ATP11A: variants seen among roughly 807,000 people sequenced by gnomAD.
The protein encoded by ATP11A is ATPase phospholipid transporting 11A, also known as phospholipid-transporting ATPase IH.
Under a neutral mutation model 154.4 loss-of-function variants are expected in ATP11A, and 81 were observed. That is an observed-to-expected ratio of 0.52 (90% CI 0.44 to 0.63). The LOEUF (loss-of-function observed/expected upper bound fraction) is 0.63. ATP11A is among the 30% of genes least tolerant of loss of function. The pLI is 0.00. For missense variants in ATP11A, 1,316 were observed against 1,474.3 expected (o/e 0.89, Z 1.76); for synonymous variants, 623 against 585.9 (o/e 1.06, Z -0.91).
intron 1 of ATP11A, among the ~76,000 whole-genome samples, chr13:112,773,586 C>G (rs2077276426): frequency 6.6e-6 from 1 of 152,228 alleles, no homozygotes; most frequent in African/African-American, 2.4e-5. Context: ...ATGTGCAGCC[C>G]TGTGGCGGAT....
rs1456381970 is a variant in ATP11A, at chr13:112,690,346, C to G, written c.-71C>G. 1 of 1,181,694 alleles carries G rather than the reference C, an allele frequency of 8.5e-7. No homozygotes were observed. Among genetic ancestry groups the G allele is most frequent in the Non-Finnish European group, 1.1e-6 (1 of 945,866 alleles). The allele number at this position is 1,181,694 out of a possible 1,614,324, so 73.2% of individuals were successfully genotyped here. ...CGGGGGGCGCGGCCGCACTAGTACCCCGGAGCCCATGGGCGCGCCGAGCCG... is the reference window on the plus strand; with the variant it reads ...CGGGGGGCGCGGCCGCACTAGTACCGCGGAGCCCATGGGCGCGCCGAGCCG... On this transcript the variant is annotated 5_prime_UTR_variant, in exon 1 of 30. Coordinates refer to ENST00000375645, the MANE Select transcript of ATP11A (RefSeq NM_015205.3). The surrounding 1 kb of genome is among the most constrained non-coding windows in gnomAD (Gnocchi z 5.6).
In ATP11A at chr13:112,854,325, G is replaced by A. The variant is rs1281190086; in HGVS notation, c.2038G>A (p.Gly680Arg). ...CACCATCGAGGCCCTGCAGAAGGCC[G>A]GGATCAAAGTCTGGGTTCTCACGGG... ...ADTIEALQKA[G>R]IKVWVLTGDK... The change falls in exon 19 of 30, where the codon GGG becomes AGG. Residue 680 changes from glycine (G) to arginine (R), a missense_variant. Physicochemically the swap from Gly to Arg is moderately radical, Grantham distance 125. Around this residue, in one of 5 missense-constraint regions of ATP11A, gnomAD observed 876 missense variants for 1,006.8 expected, o/e 0.87. Transcript: ENST00000375645. 9.9e-6 allele frequency: 16 copies of A among 1,614,012 alleles called. No individual in the cohort carries two copies. Among genetic ancestry groups the A allele is most frequent in the East Asian group, 2.2e-5 (1 of 44,888 alleles).
At chr13:112,858,425 G>A in intron 22 of ATP11A, 135 bp downstream of exon 22, 2 of 946,046 alleles carry the variant, frequency 2.1e-6, no homozygotes, top group East Asian at 2.7e-5. Context: ...AAAGGAAGGG[G>A]TGAATCTGAT....
intron 1 of ATP11A, among the ~76,000 whole-genome samples, chr13:112,733,996 T>C (rs1380418407): frequency 6.6e-6 from 1 of 152,218 alleles, no homozygotes; most frequent in Admixed American, 6.5e-5. Flanking sequence ...CAAATACTCA[T>C]TGAGTTTCTA....
At chr13:112,800,955 T>C (rs2078117514) in intron 2 of ATP11A, among the ~76,000 whole-genome samples, 1 of 152,236 alleles carries the variant, frequency 6.6e-6, no homozygotes, top group Non-Finnish European at 1.5e-5. Context: ...CCCACTCATG[T>C]ACTGCAGCAA....
chr13:112,812,045 T>C (rs1284080507), intron 5 of ATP11A: 1 of 152,226 alleles, frequency 6.6e-6, no homozygotes, highest in Non-Finnish European at 1.5e-5. Context: ...ATTCTTTGTG[T>C]TGGGAATATT....
At position 112,862,584 on chromosome 13, in the gene ATP11A, A is replaced by G; in HGVS notation, c.2991+9A>G. 1.2e-6 allele frequency: 2 copies of G among 1,614,108 alleles called. No individual in the cohort carries two copies. The highest frequency in any genetic ancestry group is 1.7e-4 in the Middle Eastern group (1 of 6,060). On this transcript the variant is annotated intron_variant, in intron 25 of 29. Coordinates refer to ENST00000375645, the MANE Select transcript of ATP11A (RefSeq NM_015205.3). ...TGACAAGCAACGGGCAGGTCAGTAC[A>G]GAGCTCGATTGCGCTGACTTAGCTG...
chr13:112,761,873 G>T (rs773045919), intron 1 of ATP11A, among the ~76,000 whole-genome samples: 4 of 152,152 alleles, frequency 2.6e-5, no homozygotes, highest in Non-Finnish European at 5.9e-5. Context: ...CACCTGTTCG[G>T]CCAGGTTGCA....
chr13:112,759,149 G>C (rs1161989771), intron 1 of ATP11A, among the ~76,000 whole-genome samples: 2 of 152,206 alleles, frequency 1.3e-5, no homozygotes, highest in African/African-American at 4.8e-5. Flanking sequence ...GAGGTTTGCT[G>C]CAGAAACATT....
At chr13:112,846,521 A>C (rs542972697) in intron 17 of ATP11A, among the ~76,000 whole-genome samples, 12 of 152,234 alleles carry the variant, frequency 7.9e-5, no homozygotes, top group African/African-American at 2.9e-4. Context: ...TGTGATAACG[A>C]TTGCGGTGAC....
chr13:112,835,461 T>A (rs9577854), intron 15 of ATP11A, among the ~76,000 whole-genome samples: 47,586 of 152,170 alleles, frequency 0.31, 9,219 homozygotes, highest in South Asian at 0.54. Context: ...AGCTGCACCC[T>A]CTCCACAGCA....
chr13:112,831,272 A>C, intron 12 of ATP11A, 103 bp from the exon 13 acceptor site: 1 of 1,291,604 alleles, frequency 7.7e-7, no homozygotes, highest in Non-Finnish European at 1.1e-6. Context: ...CGCCTATTCA[A>C]GTCACAGTGG....
At chr13:112,773,642 T>C (rs1310427300) in intron 1 of ATP11A, among the ~76,000 whole-genome samples, 1 of 152,230 alleles carries the variant, frequency 6.6e-6, no homozygotes, top group Non-Finnish European at 1.5e-5. Context: ...GAAACAGCTT[T>C]TTCCTGTGCT....
At chr13:112,851,398 G>A (rs564485155) in intron 18 of ATP11A, 180 bp downstream of exon 18, 6 of 500,872 alleles carry the variant, frequency 1.2e-5, no homozygotes, top group African/African-American at 7.5e-5. Flanking sequence ...GGAAGGTCAT[G>A]CCTGGGGGAT....
In ATP11A at chr13:112,807,679, G is replaced by C. The variant is rs1282199739; in HGVS notation, c.333+1386G>C. Among the ~76,000 whole-genome samples, 1 of 152,150 alleles carries C rather than the reference G, an allele frequency of 6.6e-6. No homozygotes were observed. Among genetic ancestry groups the C allele is most frequent in the Non-Finnish European group, 1.5e-5 (1 of 68,026 alleles). On this transcript the variant is annotated intron_variant, in intron 4 of 29. Coordinates refer to ENST00000375645, the MANE Select transcript of ATP11A (RefSeq NM_015205.3). The surrounding 1 kb of genome is among the most constrained non-coding windows in gnomAD (Gnocchi z 4.5). ...GGTGCTGAAGGAAACGATGTTACTC[G>C]GGGACCTGCCATGTGTCCTCGGGCC...
intron 2 of ATP11A, among the ~76,000 whole-genome samples, chr13:112,801,852 C>T (rs762329060): frequency 6.6e-6 from 1 of 152,192 alleles, no homozygotes; most frequent in Non-Finnish European, 1.5e-5. Context: ...GTCAGTTCTT[C>T]CCACTTTGAC....
intron 16 of ATP11A, among the ~76,000 whole-genome samples, chr13:112,840,420 T>C (rs1394354741): frequency 5.6e-4 from 15 of 26,818 alleles, no homozygotes; most frequent in East Asian, 2.3e-3. Context: ...CTTACTCTCC[T>C]GTCCCCTCCA....
At chr13:112,737,204 G>A (rs1891081621) in intron 1 of ATP11A, among the ~76,000 whole-genome samples, 1 of 152,182 alleles carries the variant, frequency 6.6e-6, no homozygotes, top group African/African-American at 2.4e-5. Context: ...GGGCACTCCT[G>A]GGGGATGGAG....
chr13:112,810,554 C>T (rs1330453383), intron 4 of ATP11A, 65 bp from the exon 5 acceptor site: 1 of 1,320,818 alleles, frequency 7.6e-7, no homozygotes, highest in Non-Finnish European at 1.1e-6. Context: ...TCTGTCTCTC[C>T]CTCCCTTTCT....
Sources: allele counts gnomAD v4.1 joint callset (sites outside exome capture counted in the v4.1 genomes callset), GRCh38; gene constraint gnomAD v4.1.1; regional missense constraint gnomAD v4.1.1; non-coding constraint Gnocchi (gnomAD v3.1); transcripts MANE v1.5; gene names NCBI Gene and HGNC (gene_info 2026-07-23, HGNC 2026-07-21).